The following CC2D2B variants were observed in gnomAD, a reference collection of about 807,000 sequenced individuals.
CC2D2B encodes the protein protein CC2D2B.
In CC2D2B, 128 loss-of-function variants were observed where a neutral mutation model predicts 161.2. The ratio of observed to expected loss-of-function variants is 0.79; its 90% CI spans 0.69 to 0.92. The LOEUF (loss-of-function observed/expected upper bound fraction) is 0.92, where lower values mean the gene tolerates loss of function less well. CC2D2B is among the 40% of genes least tolerant of loss of function. CC2D2B has a pLI of 0.00. For synonymous variants in CC2D2B, 391 were observed against 449.8 expected (o/e 0.87, Z 1.65); for missense variants, 1,173 against 1,375.1 (o/e 0.85, Z 2.32).
chr10:95,938,032 T>A lies in CC2D2B; in HGVS notation c.378T>A (p.Gly126=), dbSNP rs1292236282. 4 of 1,551,088 alleles carry A rather than the reference T, an allele frequency of 2.6e-6. 1 individual carries two copies. The highest frequency in any genetic ancestry group is 2.4e-5 in the East Asian group (1 of 40,880). The change falls in exon 7 of 35, where the codon GGT becomes GGA. Residue 126 remains glycine, a synonymous_variant. Coordinates refer to ENST00000646931, the MANE Select transcript of CC2D2B (RefSeq NM_001349008.3). ...NRSYPKCFSL[G]VNLQNVAESE... is the part of the protein sequence containing the mutation. ...GTTATCCCAAATGCTTTTCACTTGG[T>A]GTTAATTTACAAAATGTTGCTGAGA... is the stretch of plus-strand genomic sequence containing the variant.
chr10:95,992,382 T>A, intron 21 of CC2D2B, 145 bp from the exon 22 acceptor site: 3 of 586,444 alleles, frequency 5.1e-6, no homozygotes, highest in Non-Finnish European at 7.5e-6. Flanking sequence ...ATATTTCTCC[T>A]TGAGTTTAAG....
chr10:95,981,382 G>A (rs1389690813), intron 17 of CC2D2B, among the ~76,000 whole-genome samples: 1 of 123,240 alleles, frequency 8.1e-6, no homozygotes, highest in Non-Finnish European at 1.6e-5. Context: ...ACTGGCTACA[G>A]AGTGAGACTC....
rs565985822 is a variant in CC2D2B at position 96,026,242 on chromosome 10, C to G, written c.3948-970C>G. On this transcript the variant is annotated intron_variant, in intron 33 of 34. Transcript: ENST00000646931. ...ATCAATGCCACACAATCATCCTGCA[C>G]AGAGAGGCTTTTCAGGAGAGCCCCA... Among the ~76,000 whole-genome samples, 5 of 152,298 alleles carry G rather than the reference C, an allele frequency of 3.3e-5. No individual in the cohort carries two copies. In the South Asian group the frequency reaches 1.0e-3, roughly 32 times the overall value.
chr10:95,928,263 A>G (rs771970879), intron 6 of CC2D2B, among the ~76,000 whole-genome samples: 5 of 152,096 alleles, frequency 3.3e-5, no homozygotes, highest in African/African-American at 4.8e-5. Flanking sequence ...ATTTTGAACA[A>G]GTAAAACATA....
chr10:96,006,127 T>C (rs969056014), intron 25 of CC2D2B, among the ~76,000 whole-genome samples: 7 of 151,688 alleles, frequency 4.6e-5, no homozygotes, highest in African/African-American at 1.7e-4. Flanking sequence ...TTTCCACTTG[T>C]ATTTTAATTA....
intron 26 of CC2D2B, among the ~76,000 whole-genome samples, chr10:96,011,539 A>G (rs960059572): frequency 6.6e-6 from 1 of 152,222 alleles, no homozygotes; most frequent in African/African-American, 2.4e-5. Context: ...AGCACTCAGT[A>G]ACTATTAGCT....
Position 95,988,229 on chromosome 10 carries a change from A to C in CC2D2B, c.2287-21A>C, listed in dbSNP as rs1053402900. The C allele has an allele frequency of 6.7e-6, 7 of 1,038,796 alleles. No individual in the cohort carries two copies. In the East Asian group the frequency reaches 2.3e-4, roughly 34 times the overall value. 64.3% of individuals were successfully genotyped at this position (1,038,796 alleles called of 1,614,324 possible). On this transcript the variant is annotated intron_variant, in intron 19 of 34. Transcript: ENST00000646931. ...ACTCTTTGTTACATTCAAGAAGTGAAACTAACAATTCTGTATTTAGGAGTA... is the reference window on the plus strand; with the variant it reads ...ACTCTTTGTTACATTCAAGAAGTGACACTAACAATTCTGTATTTAGGAGTA...
chr10:95,924,723 A>G (rs2141180377), intron 4 of CC2D2B, 56 bp from the exon 5 acceptor site: 1 of 1,182,478 alleles, frequency 8.5e-7, no homozygotes, highest in East Asian at 2.6e-5. Context: ...TGGACAAAAG[A>G]CTTATGAGCA....
At chr10:95,976,909 C>T (rs574810604) in intron 17 of CC2D2B, among the ~76,000 whole-genome samples, 83 of 152,138 alleles carry the variant, frequency 5.5e-4, no homozygotes, top group Non-Finnish European at 7.5e-4. Context: ...CTACCAAGCT[C>T]AGCTAATTTT....
chr10:96,000,032 A>G (rs2078407324), intron 24 of CC2D2B: 1 of 1,419,204 alleles, frequency 7.0e-7, no homozygotes, highest in Non-Finnish European at 9.5e-7. Flanking sequence ...AACAATGCCA[A>G]CAGCATGTTG....
chr10:95,973,606 C>T (rs1163875130), intron 16 of CC2D2B, among the ~76,000 whole-genome samples: 1 of 152,038 alleles, frequency 6.6e-6, no homozygotes, highest in Non-Finnish European at 1.5e-5. Context: ...CACCTGTAAT[C>T]CTAGCACTTT....
At position 95,952,726 on chromosome 10, in the gene CC2D2B, C is replaced by CTA. The variant is rs1416103744; in HGVS notation, c.1011+2632_1011+2633dup. Among the ~76,000 whole-genome samples, 47 of 151,824 alleles carry CTA rather than the reference C, an allele frequency of 3.1e-4. No individual in the cohort carries two copies. The East Asian group carries it at 3.9e-3, about 13-fold the overall frequency. On this transcript the variant is annotated intron_variant, in intron 10 of 34. Coordinates refer to ENST00000646931, the MANE Select transcript of CC2D2B (RefSeq NM_001349008.3). ...CTATCTTGGAACTTTTTATGTATCACTATATATATATAAGTCCATAATATA... is the reference window on the plus strand; with the variant it reads ...CTATCTTGGAACTTTTTATGTATCACTATATATATATATAAGTCCATAATATA...
At chr10:95,989,891 C>T (rs2077882201) in intron 20 of CC2D2B, among the ~76,000 whole-genome samples, 1 of 152,130 alleles carries the variant, frequency 6.6e-6, no homozygotes, top group Non-Finnish European at 1.5e-5. Flanking sequence ...CTATTACGGC[C>T]ATAGGTACCT....
intron 22 of CC2D2B, among the ~76,000 whole-genome samples, chr10:95,993,834 GTATA>G (rs369610013): frequency 0.067 from 7,357 of 109,780 alleles, 776 homozygotes; most frequent in East Asian, 0.54. Flanking sequence ...TATAAAGAGT[GTATA>G]TATATATATA....
chr10:95,970,672 C>A (rs2077095909), intron 15 of CC2D2B, among the ~76,000 whole-genome samples: 1 of 152,188 alleles, frequency 6.6e-6, no homozygotes, highest in South Asian at 2.1e-4. Context: ...ATCCATCCTA[C>A]ATACCCTAAG....
chr10:95,996,178 G>A lies in CC2D2B; in HGVS notation c.2775G>A (p.Gln925=). 6.6e-7 allele frequency: 1 copy of A among 1,513,376 alleles called. No homozygotes were observed. The highest frequency in any genetic ancestry group is 1.4e-5 in the African/African-American group (1 of 72,672). The allele number at this position is 1,513,376 out of a possible 1,614,324, so 93.7% of individuals were successfully genotyped here. A position where few individuals can be genotyped will look rare whatever the true frequency, so the allele number is the denominator to read the frequency against. The change falls in exon 24 of 35, where the codon CAG becomes CAA. Residue 925 remains glutamine, a synonymous_variant. Transcript: ENST00000646931. ...TVHPFVEVSF[Q]HTVYKTNTAS... ...ATCCATTCGTGGAAGTTTCTTTCCA[G>A]CACACTGTATACAAAACCAATACAG... is the stretch of plus-strand genomic sequence containing the variant.
At position 95,923,317 on chromosome 10, in the gene CC2D2B, C is replaced by T. The variant is rs145979899; in HGVS notation, c.98-997C>T. Among the ~76,000 whole-genome samples, 3 of 152,166 alleles carry T rather than the reference C, an allele frequency of 2.0e-5. No homozygotes were observed. The East Asian group carries it at 5.8e-4, about 29-fold the overall frequency. On this transcript the variant is annotated intron_variant, in intron 3 of 34. Transcript: ENST00000646931. ...CGCAAGCTGGTCTCAAACTCCTGGC[C>T]TCAAGCAGTCCTCCTGCCTCGGCCT...
intron 20 of CC2D2B, among the ~76,000 whole-genome samples, chr10:95,990,193 T>C (rs1383484237): frequency 2.6e-5 from 4 of 152,160 alleles, no homozygotes; most frequent in African/African-American, 9.7e-5. Flanking sequence ...GGAAACACAT[T>C]ATTAGTATGT....
At chr10:95,925,204 G>A (rs923998104) in intron 5 of CC2D2B, among the ~76,000 whole-genome samples, 14 of 152,162 alleles carry the variant, frequency 9.2e-5, no homozygotes, top group Admixed American at 7.9e-4. Flanking sequence ...GGGCTCCACC[G>A]AAAGGGCATG....
Sources: gnomAD v4.1 joint callset for allele counts (sites outside exome capture counted in the v4.1 genomes callset) on GRCh38, gnomAD v4.1.1 for gene constraint, MANE v1.5 for transcripts, NCBI Gene and HGNC (gene_info 2026-07-23, HGNC 2026-07-21) for gene names.